Variants in PPP2R2B observed in about 807,000 individuals in gnomAD.
The protein encoded by PPP2R2B is protein phosphatase 2 regulatory subunit Bbeta.
In PPP2R2B, 5 loss-of-function variants were observed where a neutral mutation model predicts 46.0. That is an observed-to-expected ratio of 0.11 (90% CI 0.06 to 0.23). The LOEUF (loss-of-function observed/expected upper bound fraction) is 0.23, where lower values mean the gene tolerates loss of function less well. Among genes scored for constraint, PPP2R2B ranks in the 10% least tolerant of loss-of-function variants. PPP2R2B has a pLI of 1.00. For missense variants in PPP2R2B, 367 were observed against 575.0 expected (o/e 0.64, Z 3.70); for synonymous variants, 215 against 206.7 (o/e 1.04, Z -0.34).
At chr5:146,926,882 G>C (rs892582720) in intron 1 of PPP2R2B, among the ~76,000 whole-genome samples, 3 of 152,104 alleles carry the variant, frequency 2.0e-5, no homozygotes, top group Non-Finnish European at 2.9e-5. Context: ...GATCACAACT[G>C]CAACTTCAGG....
intron 1 of PPP2R2B, among the ~76,000 whole-genome samples, chr5:146,947,892 G>A (rs148287850): frequency 0.01 from 1,531 of 151,478 alleles, 12 homozygotes; most frequent in Non-Finnish European, 0.014. Context: ...TCCTCAAGGC[G>A]AAATCCCACT....
At chr5:147,029,505 C>T (rs1450751056) in intron 1 of PPP2R2B, among the ~76,000 whole-genome samples, 1 of 152,014 alleles carries the variant, frequency 6.6e-6, no homozygotes, top group Non-Finnish European at 1.5e-5. Context: ...GTCCTGTATC[C>T]AATACCCAAT....
intron 1 of PPP2R2B, among the ~76,000 whole-genome samples, chr5:147,018,183 T>C (rs995272226): frequency 6.6e-6 from 1 of 151,994 alleles, no homozygotes; most frequent in African/African-American, 2.4e-5. Context: ...ATATATAAAG[T>C]ACTATTATAT....
chr5:146,863,532 C>T (rs1027557106), intron 2 of PPP2R2B, among the ~76,000 whole-genome samples: 1 of 152,084 alleles, frequency 6.6e-6, no homozygotes, highest in Non-Finnish European at 1.5e-5. Flanking sequence ...TCCATTGAAA[C>T]TTGGAGTTTC....
chr5:146,895,577 A>G (rs575435192), intron 1 of PPP2R2B, among the ~76,000 whole-genome samples: 2 of 152,286 alleles, frequency 1.3e-5, no homozygotes, highest in East Asian at 3.9e-4. Context: ...GTACATGCAT[A>G]GTAGGGTTCA....
chr5:146,834,987 G>C (rs1759192487), intron 2 of PPP2R2B, among the ~76,000 whole-genome samples: 1 of 152,046 alleles, frequency 6.6e-6, no homozygotes, highest in African/African-American at 2.4e-5. Context: ...TTATATTCCA[G>C]AGTATAAATG....
At chr5:146,949,151 A>G (rs564878004) in intron 1 of PPP2R2B, among the ~76,000 whole-genome samples, 6 of 152,210 alleles carry the variant, frequency 3.9e-5, no homozygotes, top group Non-Finnish European at 5.9e-5. Context: ...AACATTTGAC[A>G]TGAGTGGTAC....
chr5:146,863,701 C>T (rs1761143007), intron 2 of PPP2R2B, among the ~76,000 whole-genome samples: 2 of 151,876 alleles, frequency 1.3e-5, no homozygotes, highest in Non-Finnish European at 2.9e-5. Flanking sequence ...ATTTTATGTG[C>T]TTATCCTGCG....
rs1581900754 is a variant in PPP2R2B at position 146,698,035 on chromosome 5, T to C, written c.278A>G (p.Asn93Ser). The C allele has an allele frequency of 2.5e-6, 4 of 1,613,726 alleles. 1 individual carries two copies. Among genetic ancestry groups the C allele is most frequent in the South Asian group, 2.2e-5 (2 of 91,074 alleles). The change falls in exon 4 of 10, where the codon AAT (asparagine) becomes AGT (serine). Residue 93 changes from asparagine (N) to serine (S), a missense_variant. Physicochemically the swap from Asn to Ser is conservative, Grantham distance 46. Coordinates refer to ENST00000394411, the MANE Select transcript of PPP2R2B (RefSeq NM_181675.4). ...LKSLEIEEKI[N>S]KIRWLPQQNA... Reference sequence around the variant, plus strand: ...CTGCTGGGGGAGCCATCTTATTTTATTGATTTTTTCTTCTATTTCTAAACT... The same window carrying C: ...CTGCTGGGGGAGCCATCTTATTTTACTGATTTTTTCTTCTATTTCTAAACT...
chr5:146,720,835 C>T lies in PPP2R2B; in HGVS notation c.71-19693G>A, dbSNP rs1417377798. ...CTAGTGTGGAGTAAAGAAGACTTCACTCTCTTTCCAAATTTATCTGACTAT... is the reference window on the plus strand; with the variant it reads ...CTAGTGTGGAGTAAAGAAGACTTCATTCTCTTTCCAAATTTATCTGACTAT... On this transcript the variant is annotated intron_variant, in intron 2 of 9. Transcript: ENST00000394411. 4.6e-5 allele frequency among the ~76,000 whole-genome samples: 7 copies of T among 152,298 alleles called. 1 individual carries two copies. The Middle Eastern group carries it at 0.014, about 296-fold the overall frequency.
chr5:147,051,622 G>A (rs1030858621), intron 1 of PPP2R2B, among the ~76,000 whole-genome samples: 1 of 152,040 alleles, frequency 6.6e-6, no homozygotes. Flanking sequence ...TTTAGGAAAA[G>A]AAAGCGTCCC....
intron 2 of PPP2R2B, among the ~76,000 whole-genome samples, chr5:147,063,081 G>A (rs1757314350): frequency 7.2e-6 from 1 of 138,878 alleles, no homozygotes; most frequent in African/African-American, 2.9e-5. Flanking sequence ...GGAAAGGAAG[G>A]GAAGGGAAGG....
intron 2 of PPP2R2B, among the ~76,000 whole-genome samples, chr5:146,867,844 T>C (rs1761397026): frequency 1.3e-5 from 2 of 152,240 alleles, no homozygotes; most frequent in African/African-American, 4.8e-5. Context: ...ACATAGCACT[T>C]GGCAATAAAT....
At chr5:146,712,941 A>T (rs190240799) in intron 2 of PPP2R2B, among the ~76,000 whole-genome samples, 3 of 152,364 alleles carry the variant, frequency 2.0e-5, no homozygotes, top group Admixed American at 2.0e-4. Context: ...ACTATTCCAG[A>T]TATTAAAGAA....
At chr5:146,971,941 C>T (rs1323517050) in intron 1 of PPP2R2B, among the ~76,000 whole-genome samples, 1 of 152,156 alleles carries the variant, frequency 6.6e-6, no homozygotes, top group Non-Finnish European at 1.5e-5. Flanking sequence ...CAAAACTAAG[C>T]AACTAACATT....
chr5:146,783,163 C>T (rs1369257116), intron 2 of PPP2R2B, among the ~76,000 whole-genome samples: 1 of 152,150 alleles, frequency 6.6e-6, no homozygotes, highest in Non-Finnish European at 1.5e-5. Context: ...CTGAAAATCA[C>T]ATGATATAAG....
At position 146,587,195 on chromosome 5, in the gene PPP2R2B, A is replaced by C. The variant is rs1437890701; in HGVS notation, c.*2752T>G. The C allele has an allele frequency of 6.6e-6, 1 of 152,256 alleles. No individual in the cohort carries two copies. The highest frequency in any genetic ancestry group is 1.5e-5 in the Non-Finnish European group (1 of 68,048). 9.4% of individuals were successfully genotyped at this position (152,256 alleles called of 1,614,324 possible). A position where few individuals can be genotyped will look rare whatever the true frequency, so the allele number is the denominator to read the frequency against. Reference sequence around the variant, plus strand: ...CCACTAACTAAGAAATATTGCCAGTACTGGGGCTGAAAGATCACACATGTA... The same window carrying C: ...CCACTAACTAAGAAATATTGCCAGTCCTGGGGCTGAAAGATCACACATGTA... On this transcript the variant is annotated 3_prime_UTR_variant, in exon 10 of 10. Transcript: ENST00000394411.
At chr5:146,760,465 T>C (rs1754092498) in intron 2 of PPP2R2B, among the ~76,000 whole-genome samples, 1 of 152,046 alleles carries the variant, frequency 6.6e-6, no homozygotes, top group Non-Finnish European at 1.5e-5. Context: ...AACTCTCTGC[T>C]CTCCAGCAAC....
At position 146,584,824 on chromosome 5, in the gene PPP2R2B, G is replaced by A. The variant is rs1054085717; in HGVS notation, c.*5123C>T. On this transcript the variant is annotated 3_prime_UTR_variant, in exon 10 of 10. Coordinates refer to ENST00000394411, the MANE Select transcript of PPP2R2B (RefSeq NM_181675.4). ...GTCGAAAATGTGTTTCTAATGGAAGGAGAGAAACATTGGCTTTCTGTTTCC... is the reference window on the plus strand; with the variant it reads ...GTCGAAAATGTGTTTCTAATGGAAGAAGAGAAACATTGGCTTTCTGTTTCC... The A allele has an allele frequency of 6.6e-6, 1 of 152,184 alleles. No individual in the cohort carries two copies. Among genetic ancestry groups the A allele is most frequent in the African/African-American group, 2.4e-5 (1 of 41,442 alleles). 9.4% of individuals were successfully genotyped at this position (152,184 alleles called of 1,614,324 possible).
Sources: gnomAD v4.1 joint callset for allele counts (sites outside exome capture counted in the v4.1 genomes callset) on GRCh38, gnomAD v4.1.1 for gene constraint, MANE v1.5 for transcripts, NCBI Gene and HGNC (gene_info 2026-07-23, HGNC 2026-07-21) for gene names.